Variants in ADCY8 observed in about 807,000 individuals in gnomAD.
The protein encoded by ADCY8 is adenylate cyclase 8.
A neutral mutation model predicts 119.7 loss-of-function variants in ADCY8; 51 were observed. The ratio of observed to expected loss-of-function variants is 0.43; its 90% CI spans 0.34 to 0.54. The LOEUF (loss-of-function observed/expected upper bound fraction) is 0.54, where lower values mean the gene tolerates loss of function less well. Among genes scored for constraint, ADCY8 ranks in the 20% least tolerant of loss-of-function variants. The probability of loss-of-function intolerance (pLI) is 0.03; values close to 1 mark genes in which losing one functional copy is unlikely to be tolerated. For synonymous variants in ADCY8, 665 were observed against 651.0 expected (o/e 1.02, Z -0.33); for missense variants, 1,383 against 1,598.8 (o/e 0.87, Z 2.30).
chr8:130,999,460 A>G lies in ADCY8; in HGVS notation c.961-8918T>C, dbSNP rs80088620. On this transcript the variant is annotated intron_variant, in intron 1 of 17. Transcript: ENST00000286355. ...AAGCACTCACAGAGCCAGCTTCCCCATTGATATAGGATTTGTGTTTTAAGG... is the reference window on the plus strand; with the variant it reads ...AAGCACTCACAGAGCCAGCTTCCCCGTTGATATAGGATTTGTGTTTTAAGG... 9.9e-3 allele frequency among the ~76,000 whole-genome samples: 1,509 copies of G among 152,162 alleles called. 29 individuals are homozygous for G. The highest frequency in any genetic ancestry group is 0.035 in the African/African-American group (1,435 of 41,508).
chr8:130,876,574 G>A, intron 8 of ADCY8, among the ~76,000 whole-genome samples: 1 of 152,074 alleles, frequency 6.6e-6, no homozygotes, highest in East Asian at 1.9e-4. Context: ...GCATAGTTAG[G>A]GTGATAGAGT....
At chr8:130,825,560 C>A (rs989195734) in intron 12 of ADCY8, among the ~76,000 whole-genome samples, 1 of 152,094 alleles carries the variant, frequency 6.6e-6, no homozygotes, top group African/African-American at 2.4e-5. Context: ...GCACTTGGCC[C>A]AAGTGAAGTA....
At chr8:130,875,709 T>G (rs1273833008) in intron 8 of ADCY8, among the ~76,000 whole-genome samples, 1 of 152,190 alleles carries the variant, frequency 6.6e-6, no homozygotes, top group Non-Finnish European at 1.5e-5. Context: ...ATTTTAGAGT[T>G]TATGATTCAT....
At chr8:130,918,241 G>A (rs934911847) in intron 5 of ADCY8, among the ~76,000 whole-genome samples, 1 of 152,202 alleles carries the variant, frequency 6.6e-6, no homozygotes, top group Non-Finnish European at 1.5e-5. Flanking sequence ...GGTGCTAGCA[G>A]GATCAGGTTC....
At chr8:130,800,379 A>C in intron 15 of ADCY8, 47 bp downstream of exon 15, 4 of 1,607,802 alleles carry the variant, frequency 2.5e-6, no homozygotes, top group Non-Finnish European at 3.4e-6. Flanking sequence ...CAACGCTTTG[A>C]CAACGATGCC....
At chr8:130,921,496 G>C (rs1820306535) in intron 5 of ADCY8, among the ~76,000 whole-genome samples, 2 of 147,166 alleles carry the variant, frequency 1.4e-5, no homozygotes, top group African/African-American at 5.0e-5. Context: ...TATTGCCCCG[G>C]CTAGGGTAGT....
At chr8:131,036,338 G>A (rs753458163) in intron 1 of ADCY8, among the ~76,000 whole-genome samples, 4 of 152,136 alleles carry the variant, frequency 2.6e-5, no homozygotes, top group East Asian at 1.9e-4. Flanking sequence ...AGATGTTTAC[G>A]TGTAAGACTG....
At chr8:130,809,152 G>C (rs1159910320) in intron 14 of ADCY8, among the ~76,000 whole-genome samples, 1 of 152,160 alleles carries the variant, frequency 6.6e-6, no homozygotes, top group Non-Finnish European at 1.5e-5. Context: ...TGTTTGGATG[G>C]TTTGAGTCAT....
intron 2 of ADCY8, among the ~76,000 whole-genome samples, chr8:130,962,805 T>C (rs1821644185): frequency 6.6e-6 from 1 of 152,158 alleles, no homozygotes; most frequent in African/African-American, 2.4e-5. Flanking sequence ...TTCTTATTAA[T>C]CTCTTTCTCT....
At chr8:130,910,808 C>A (rs115847405) in intron 5 of ADCY8, among the ~76,000 whole-genome samples, 1 of 152,134 alleles carries the variant, frequency 6.6e-6, no homozygotes, top group Non-Finnish European at 1.5e-5. Flanking sequence ...TGGATGATTT[C>A]CTGTAGTCAT....
At position 130,987,859 on chromosome 8, in the gene ADCY8, G is replaced by A. The variant is rs1226527528; in HGVS notation, c.1110+2534C>T. ...TTTACCTCCATATAAATAACCCTAA[G>A]TTATTACAACTGAGCCAAGTCAATC... On this transcript the variant is annotated intron_variant, in intron 2 of 17. Coordinates refer to ENST00000286355, the MANE Select transcript of ADCY8 (RefSeq NM_001115.3). Among the ~76,000 whole-genome samples, 5 of 152,116 alleles carry A rather than the reference G, an allele frequency of 3.3e-5. No individual in the cohort carries two copies. The South Asian group carries it at 8.3e-4, about 25-fold the overall frequency.
chr8:130,794,131 G>C (rs1815505828), intron 15 of ADCY8, among the ~76,000 whole-genome samples: 1 of 152,148 alleles, frequency 6.6e-6, no homozygotes, highest in African/African-American at 2.4e-5. Context: ...CTGGGAAGAG[G>C]CAAGGCAGGA....
At chr8:131,002,926 G>A (rs956514629) in intron 1 of ADCY8, among the ~76,000 whole-genome samples, 8 of 152,128 alleles carry the variant, frequency 5.3e-5, no homozygotes, top group African/African-American at 1.9e-4. Context: ...CTAAGGCTGG[G>A]CACGGTGGCT....
intron 12 of ADCY8, among the ~76,000 whole-genome samples, chr8:130,832,524 C>T (rs543620738): frequency 1.2e-4 from 18 of 152,236 alleles, no homozygotes; most frequent in African/African-American, 4.3e-4. Flanking sequence ...GACTATCGAC[C>T]TGTAGATTTA....
chr8:130,995,883 C>T (rs1822758071), intron 1 of ADCY8, among the ~76,000 whole-genome samples: 1 of 152,104 alleles, frequency 6.6e-6, no homozygotes, highest in African/African-American at 2.4e-5. Context: ...TCTAATAATA[C>T]AGAGATGATG....
At chr8:130,916,035 C>T (rs1437953141) in intron 5 of ADCY8, among the ~76,000 whole-genome samples, 1 of 152,188 alleles carries the variant, frequency 6.6e-6, no homozygotes, top group African/African-American at 2.4e-5. Context: ...GAATCATCTT[C>T]ATAACAAACC....
At chr8:130,910,826 C>T (rs1219284433) in intron 5 of ADCY8, among the ~76,000 whole-genome samples, 1 of 152,140 alleles carries the variant, frequency 6.6e-6, no homozygotes, top group Non-Finnish European at 1.5e-5. Flanking sequence ...CATGAGCGTT[C>T]TTTCTTTCAG....
intron 1 of ADCY8, among the ~76,000 whole-genome samples, chr8:131,038,646 A>T (rs1824244241): frequency 6.6e-6 from 1 of 152,206 alleles, no homozygotes; most frequent in South Asian, 2.1e-4. Context: ...TATAATATTT[A>T]AAGCATCTAC....
intron 3 of ADCY8, among the ~76,000 whole-genome samples, chr8:130,951,432 G>A (rs1328114770): frequency 3.3e-5 from 5 of 152,034 alleles, no homozygotes; most frequent in Non-Finnish European, 7.4e-5. Flanking sequence ...ATGGATGGTT[G>A]GCCAAAAATA....
Sources: gnomAD v4.1 joint callset for allele counts (sites outside exome capture counted in the v4.1 genomes callset) on GRCh38, gnomAD v4.1.1 for gene constraint, MANE v1.5 for transcripts, NCBI Gene and HGNC (gene_info 2026-07-23, HGNC 2026-07-21) for gene names.